The following RNF180 variants were observed in gnomAD, a reference collection of about 807,000 sequenced individuals.
RNF180 encodes the protein E3 ubiquitin-protein ligase RNF180.
A neutral mutation model predicts 59.2 loss-of-function variants in RNF180; 38 were observed. That is an observed-to-expected ratio of 0.64 (90% CI 0.50 to 0.84). The LOEUF (loss-of-function observed/expected upper bound fraction) is 0.84. Among genes scored for constraint, RNF180 ranks in the 40% least tolerant of loss-of-function variants. The pLI, the probability that RNF180 is intolerant of heterozygous loss-of-function variation, is 0.00. For missense variants in RNF180, 705 were observed against 700.9 expected (o/e 1.01, Z -0.07); for synonymous variants, 262 against 240.3 (o/e 1.09, Z -0.84).
chr5:64,213,102 G>A (rs747127035), intron 3 of RNF180, among the ~76,000 whole-genome samples: 1 of 152,104 alleles, frequency 6.6e-6, no homozygotes, highest in Non-Finnish European at 1.5e-5. Context: ...TAAAAAGCCA[G>A]GAAGAGCTTT....
chr5:64,275,450 A>C lies in RNF180; in HGVS notation c.1228-49736A>C, dbSNP rs920761207. Among the ~76,000 whole-genome samples, 103 of 151,396 alleles carry C rather than the reference A, an allele frequency of 6.8e-4. 1 individual carries two copies. The highest frequency in any genetic ancestry group is 6.8e-3 in the Admixed American group (103 of 15,160). The stretch of plus-strand genomic sequence containing the variant: ...AGTTTGTGTGTGAAGAGGTTAAATG[A>C]TATAATGAAAAGAGAGGAAAGGAAA... On this transcript the variant is annotated intron_variant, in intron 5 of 7. Coordinates refer to ENST00000389100, the MANE Select transcript of RNF180 (RefSeq NM_001113561.2).
At chr5:64,326,628 G>C (rs183609377) in intron 6 of RNF180, among the ~76,000 whole-genome samples, 1 of 152,048 alleles carries the variant, frequency 6.6e-6, no homozygotes, top group Non-Finnish European at 1.5e-5. Context: ...CCATATTTCC[G>C]TGAATTTATC....
At chr5:64,298,468 G>T (rs562007279) in intron 5 of RNF180, among the ~76,000 whole-genome samples, 1 of 151,980 alleles carries the variant, frequency 6.6e-6, no homozygotes, top group South Asian at 2.1e-4. Context: ...AGCCATAAAA[G>T]GATATTTTCT....
intron 5 of RNF180, among the ~76,000 whole-genome samples, chr5:64,285,508 G>A (rs910358636): frequency 6.6e-6 from 1 of 151,872 alleles, no homozygotes; most frequent in African/African-American, 2.4e-5. Flanking sequence ...GGTTGCAGTG[G>A]GGGTAGACCA....
At chr5:64,275,516 A>G (rs1344579851) in intron 5 of RNF180, among the ~76,000 whole-genome samples, 6 of 151,676 alleles carry the variant, frequency 4.0e-5, no homozygotes, top group African/African-American at 1.2e-4. Flanking sequence ...TCACATATTT[A>G]GAAAATATAC....
At chr5:64,231,036 TA>T (rs1402580101) in intron 5 of RNF180, among the ~76,000 whole-genome samples, 1 of 152,100 alleles carries the variant, frequency 6.6e-6, no homozygotes, top group Non-Finnish European at 1.5e-5. Flanking sequence ...TCAAGAAAGG[TA>T]AAAGGCACAA....
At chr5:64,231,057 T>G (rs1182169464) in intron 5 of RNF180, among the ~76,000 whole-genome samples, 1 of 152,172 alleles carries the variant, frequency 6.6e-6, no homozygotes, top group Non-Finnish European at 1.5e-5. Context: ...AGGCATTGTT[T>G]GAAAAGGTTC....
At chr5:64,355,483 C>T (rs1355495861) in intron 7 of RNF180, among the ~76,000 whole-genome samples, 1 of 151,966 alleles carries the variant, frequency 6.6e-6, no homozygotes, top group African/African-American at 2.4e-5. Context: ...GATATCAGTA[C>T]TGCCCAAGGC....
In RNF180 at chr5:64,329,479, A is replaced by G. The variant is rs181179657; in HGVS notation, c.1454-802A>G. Reference sequence around the variant, plus strand: ...TTTCTTTTTTTTTTTTTTTCCCAAGATGGAGTCTCACTTCTTCGCCCAGGC... The same window carrying G: ...TTTCTTTTTTTTTTTTTTTCCCAAGGTGGAGTCTCACTTCTTCGCCCAGGC... On this transcript the variant is annotated intron_variant, in intron 6 of 7. Transcript: ENST00000389100. 2.1e-5 allele frequency among the ~76,000 whole-genome samples: 3 copies of G among 139,974 alleles called. No individual in the cohort carries two copies. The East Asian group carries it at 6.2e-4, about 29-fold the overall frequency. The allele number at this position is 139,974 out of a possible 152,430, so 91.8% of individuals were successfully genotyped here.
At chr5:64,323,311 C>T (rs1744464970) in intron 5 of RNF180, among the ~76,000 whole-genome samples, 2 of 152,086 alleles carry the variant, frequency 1.3e-5, no homozygotes, top group South Asian at 4.1e-4. Context: ...GGGGCCAAGG[C>T]ATGTGGATCA....
At chr5:64,179,225 T>C (rs1468099021) in intron 1 of RNF180, among the ~76,000 whole-genome samples, 3 of 152,164 alleles carry the variant, frequency 2.0e-5, no homozygotes, top group Admixed American at 6.5e-5. Flanking sequence ...TTAAATAAAA[T>C]ATTTCAAATT....
chr5:64,308,268 C>T (rs923922927), intron 5 of RNF180, among the ~76,000 whole-genome samples: 3 of 151,704 alleles, frequency 2.0e-5, no homozygotes, highest in Admixed American at 6.6e-5. Flanking sequence ...AAAATCAGTA[C>T]TCACAGTGCT....
rs568970079 is a variant in RNF180 at position 64,309,693 on chromosome 5, A to G, written c.1228-15493A>G. On this transcript the variant is annotated intron_variant, in intron 5 of 7. Coordinates refer to ENST00000389100, the MANE Select transcript of RNF180 (RefSeq NM_001113561.2). ...AGTGATTTGTTTAATGTTATAATCT[A>G]TCTGATTTATACCTGTTTATAGGTT... Among the ~76,000 whole-genome samples, 4 of 151,526 alleles carry G rather than the reference A, an allele frequency of 2.6e-5. No individual in the cohort carries two copies. In the South Asian group the frequency reaches 6.2e-4, roughly 24 times the overall value.
At chr5:64,175,983 A>C (rs1750210499) in intron 1 of RNF180, among the ~76,000 whole-genome samples, 1 of 152,170 alleles carries the variant, frequency 6.6e-6, no homozygotes, top group South Asian at 2.1e-4. Flanking sequence ...TTTGGTAATT[A>C]GTTCTAACAG....
chr5:64,192,234 T>C (rs1751197054), intron 1 of RNF180, among the ~76,000 whole-genome samples: 1 of 151,638 alleles, frequency 6.6e-6, no homozygotes, highest in South Asian at 2.1e-4. Flanking sequence ...TCAGTAATCA[T>C]CAGGGAAAGG....
At chr5:64,226,020 G>A (rs1184158678) in intron 5 of RNF180, among the ~76,000 whole-genome samples, 1 of 148,848 alleles carries the variant, frequency 6.7e-6, no homozygotes, top group African/African-American at 2.5e-5. Context: ...CCTCTGCCCG[G>A]CCGCCCCGTC....
At chr5:64,336,347 A>G (rs1745123869) in intron 7 of RNF180, among the ~76,000 whole-genome samples, 1 of 152,154 alleles carries the variant, frequency 6.6e-6, no homozygotes, top group African/African-American at 2.4e-5. Flanking sequence ...GTGACTTCTA[A>G]TTAATGCTCT....
intron 5 of RNF180, among the ~76,000 whole-genome samples, chr5:64,321,744 A>G (rs1056969844): frequency 4.6e-5 from 7 of 152,228 alleles, no homozygotes; most frequent in Non-Finnish European, 7.3e-5. Context: ...TGGAGGCATC[A>G]TGCTTCTTGA....
At chr5:64,351,384 A>G (rs1745805626) in intron 7 of RNF180, among the ~76,000 whole-genome samples, 2 of 152,108 alleles carry the variant, frequency 1.3e-5, no homozygotes, top group South Asian at 4.1e-4. Context: ...TCCTAATTGA[A>G]TACCCTTTAT....
Sources: allele counts gnomAD v4.1 joint callset (sites outside exome capture counted in the v4.1 genomes callset), GRCh38; gene constraint gnomAD v4.1.1; transcripts MANE v1.5; gene names NCBI Gene and HGNC (gene_info 2026-07-23, HGNC 2026-07-21).